The following SLC4A4 variants were observed in gnomAD, a reference collection of about 807,000 sequenced individuals.
SLC4A4 encodes the protein electrogenic sodium bicarbonate cotransporter 1.
SLC4A4 carries 27 observed loss-of-function variants against 111.5 expected under a neutral mutation model. The observed-to-expected ratio is 0.24, with a 90% confidence interval of 0.18 to 0.33. SLC4A4 has a LOEUF of 0.33. SLC4A4 is among the 10% of genes least tolerant of loss of function. SLC4A4 has a pLI of 1.00. For synonymous variants in SLC4A4, 443 were observed against 463.4 expected, an observed-to-expected ratio of 0.96 and a Z score of 0.57; for missense variants, 909 against 1,315.5, an observed-to-expected ratio of 0.69 and a Z score of 4.78.
chr4:71,283,565 A>C (rs1723692538), intron 3 of SLC4A4, among the ~76,000 whole-genome samples: 1 of 152,200 alleles, frequency 6.6e-6, no homozygotes, highest in African/African-American at 2.4e-5. Flanking sequence ...TTTCCAGAGA[A>C]GAAAATGTTA....
chr4:71,281,111 C>G (rs953581697), intron 3 of SLC4A4, among the ~76,000 whole-genome samples: 2 of 152,180 alleles, frequency 1.3e-5, no homozygotes, highest in Non-Finnish European at 2.9e-5. Flanking sequence ...AGGTAGCTCT[C>G]TCACCCCAAA....
chr4:71,496,430 A>C (rs1212418500), intron 15 of SLC4A4, among the ~76,000 whole-genome samples: 1 of 152,060 alleles, frequency 6.6e-6, no homozygotes, highest in African/African-American at 2.4e-5. Flanking sequence ...CTTCAGCCTG[A>C]TCCCATGGGA....
At chr4:71,283,496 T>G (rs1425885471) in intron 3 of SLC4A4, among the ~76,000 whole-genome samples, 1 of 152,152 alleles carries the variant, frequency 6.6e-6, no homozygotes, top group Non-Finnish European at 1.5e-5. Flanking sequence ...CTTGGCAGGA[T>G]AGGGTGTGAA....
intron 6 of SLC4A4, among the ~76,000 whole-genome samples, chr4:71,358,190 C>G (rs1477304973): frequency 6.6e-6 from 1 of 152,020 alleles, no homozygotes; most frequent in Non-Finnish European, 1.5e-5. Context: ...GTGGCACGCA[C>G]CTTTGTCCCA....
chr4:71,516,255 C>G (rs1290473786), intron 16 of SLC4A4, among the ~76,000 whole-genome samples: 2 of 151,420 alleles, frequency 1.3e-5, no homozygotes, highest in African/African-American at 4.9e-5. Context: ...GCCACCACGC[C>G]CGGCTAATTT....
chr4:71,308,426 A>C (rs909207657), intron 3 of SLC4A4, among the ~76,000 whole-genome samples: 1 of 152,078 alleles, frequency 6.6e-6, no homozygotes. Flanking sequence ...GTTTATGGAG[A>C]TCTGGCAAAA....
intron 14 of SLC4A4, among the ~76,000 whole-genome samples, chr4:71,485,605 T>A (rs1729305227): frequency 6.6e-6 from 1 of 151,548 alleles, no homozygotes; most frequent in Non-Finnish European, 1.5e-5. Flanking sequence ...GCTTTACTGC[T>A]GAAATAGAGA....
intron 13 of SLC4A4, among the ~76,000 whole-genome samples, chr4:71,467,904 T>C (rs1046130966): frequency 1.3e-5 from 2 of 152,082 alleles, no homozygotes; most frequent in Non-Finnish European, 2.9e-5. Context: ...CATATTGTTA[T>C]ACATTTTTAG....
intron 3 of SLC4A4, chr4:71,338,949 T>A (rs1728659259): frequency 2.6e-6 from 2 of 773,004 alleles, no homozygotes; most frequent in Admixed American, 6.8e-5. Flanking sequence ...ACTTGGGGGA[T>A]CTCAGGATTG....
At chr4:71,463,429 G>T (rs1727022926) in intron 12 of SLC4A4, among the ~76,000 whole-genome samples, 1 of 152,072 alleles carries the variant, frequency 6.6e-6, no homozygotes, top group African/African-American at 2.4e-5. Flanking sequence ...TTTCTGTATT[G>T]TGAAGAGGAA....
intron 3 of SLC4A4, among the ~76,000 whole-genome samples, chr4:71,318,197 A>G (rs796311645): frequency 6.6e-6 from 1 of 152,058 alleles, no homozygotes; most frequent in African/African-American, 2.4e-5. Context: ...TAACATTGGA[A>G]AGCCAAGTTA....
chr4:71,174,255 C>A (rs1167584811), intron 2 of SLC4A4, among the ~76,000 whole-genome samples: 8 of 140,880 alleles, frequency 5.7e-5, no homozygotes, highest in Admixed American at 1.4e-4. Context: ...CCACACCACA[C>A]TTTTTTTTTT....
chr4:71,395,760 T>A (rs1364824073), intron 6 of SLC4A4, among the ~76,000 whole-genome samples: 1 of 152,202 alleles, frequency 6.6e-6, no homozygotes, highest in African/African-American at 2.4e-5. Context: ...TTTAAATTAC[T>A]TAATGGAAAA....
At chr4:71,175,558 C>T (rs113367784) in intron 2 of SLC4A4, among the ~76,000 whole-genome samples, 32 of 152,228 alleles carry the variant, frequency 2.1e-4, no homozygotes, top group Non-Finnish European at 2.8e-4. Flanking sequence ...GAGGGTCCTA[C>T]GCCCATGGAG....
chr4:71,083,715 C>T (rs1440164567), intron 1 of SLC4A4, among the ~76,000 whole-genome samples: 1 of 151,800 alleles, frequency 6.6e-6, no homozygotes, highest in African/African-American at 2.4e-5. Flanking sequence ...TAAGACAATC[C>T]ATGCTTGAAT....
intron 6 of SLC4A4, among the ~76,000 whole-genome samples, chr4:71,363,799 C>T (rs1372500874): frequency 6.6e-6 from 1 of 152,152 alleles, no homozygotes; most frequent in Non-Finnish European, 1.5e-5. Flanking sequence ...CTGACCAGAA[C>T]CCAAATAACG....
At chr4:71,384,859 C>A (rs1328247612) in intron 6 of SLC4A4, among the ~76,000 whole-genome samples, 1 of 151,504 alleles carries the variant, frequency 6.6e-6, no homozygotes, top group Non-Finnish European at 1.5e-5. Flanking sequence ...GTAGGAGCAT[C>A]ACACACAGGG....
intron 3 of SLC4A4, among the ~76,000 whole-genome samples, chr4:71,297,509 A>AC (rs1724890045): frequency 2.3e-5 from 3 of 132,136 alleles, no homozygotes; most frequent in South Asian, 2.6e-4. Flanking sequence ...CACACAGACA[A>AC]ACACACACAC....
chr4:71,289,905 C>G (rs1296158992), intron 3 of SLC4A4, among the ~76,000 whole-genome samples: 1 of 152,158 alleles, frequency 6.6e-6, no homozygotes, highest in Non-Finnish European at 1.5e-5. Context: ...GCCATCGATT[C>G]TTGAGTATAT....
Sources: allele counts gnomAD v4.1 joint callset (sites outside exome capture counted in the v4.1 genomes callset), GRCh38; gene constraint gnomAD v4.1.1; transcripts MANE v1.5; gene names NCBI Gene and HGNC (gene_info 2026-07-23, HGNC 2026-07-21).